The following KIF7 variants were observed in gnomAD, a reference collection of about 807,000 sequenced individuals.
The protein encoded by KIF7 is kinesin-like protein KIF7.
A neutral mutation model predicts 135.7 loss-of-function variants in KIF7; 104 were observed. The ratio of observed to expected loss-of-function variants is 0.77; its 90% confidence interval spans 0.65 to 0.90. The LOEUF (loss-of-function observed/expected upper bound fraction) is 0.90, where lower values mean the gene tolerates loss of function less well. Among genes scored for constraint, KIF7 ranks in the 40% least tolerant of loss-of-function variants. The pLI, the probability that KIF7 is intolerant of heterozygous loss-of-function variation, is 0.00. For synonymous variants in KIF7, 883 were observed against 809.4 expected, an observed-to-expected ratio of 1.09 and a Z score of -1.54; for missense variants, 2,005 against 1,839.1, an observed-to-expected ratio of 1.09 and a Z score of -1.65.
chr15:89,643,013 C>T (rs921096815), intron 10 of KIF7, among the ~76,000 whole-genome samples: 1 of 152,132 alleles, frequency 6.6e-6, no homozygotes, highest in Admixed American at 6.5e-5. Context: ...CTTTCATTTC[C>T]AGGAAATCTG....
chr15:89,640,075 A>T (rs1411314030), intron 11 of KIF7, among the ~76,000 whole-genome samples: 1 of 148,546 alleles, frequency 6.7e-6, no homozygotes, highest in Non-Finnish European at 1.5e-5. Flanking sequence ...TCTCACTCAC[A>T]GGTGGGGGTG....
Position 89,645,180 on chromosome 15 carries a change from C to T in KIF7, c.2039-15G>A. 6.2e-7 allele frequency: 1 copy of T among 1,604,976 alleles called. No individual in the cohort carries two copies. The highest frequency in any genetic ancestry group is 1.3e-5 in the African/African-American group (1 of 75,064). On this transcript the variant is annotated splice_polypyrimidine_tract_variant and intron_variant, in intron 9 of 18. Transcript: ENST00000394412. ...CCCACCAACTGCTGCAACAGGCAGC[C>T]TGTCAAGGTTGCTGCCCCAACTGAC...
chr15:89,628,683 C>A lies in KIF7; in HGVS notation c.3768G>T (p.Glu1256Asp), dbSNP rs1189649262. The A allele has an allele frequency of 9.3e-6, 15 of 1,613,016 alleles. No individual in the cohort carries two copies. The highest frequency in any genetic ancestry group is 1.2e-5 in the Non-Finnish European group (14 of 1,179,886). ...TCTCCTCCCGGGTGCGGGGGGCCCC[C>A]TCAGTGAGGGGGGACAGCCAGAGAA... The part of the protein sequence containing the change: ...PELLWLSPLT[E>D]GAPRTREETR... Residue 1256 changes from glutamate to aspartate, a missense_variant, in exon 19 of 19, where the codon GAG becomes GAT. By Grantham distance (45) the Glu-to-Asp change is conservative. Coordinates refer to ENST00000394412, the MANE Select transcript of KIF7 (RefSeq NM_198525.3).
At chr15:89,646,593 C>G (rs1964017280) in intron 7 of KIF7, among the ~76,000 whole-genome samples, 1 of 152,168 alleles carries the variant, frequency 6.6e-6, no homozygotes, top group Non-Finnish European at 1.5e-5. Flanking sequence ...CCTCCTCATT[C>G]CAAGCGATCT....
chr15:89,649,369 T>G lies in KIF7; in HGVS notation c.530-2A>C. The G allele has an allele frequency of 6.9e-7, 1 of 1,451,092 alleles. No individual in the cohort carries two copies. The highest frequency in any genetic ancestry group is 9.1e-7 in the Non-Finnish European group (1 of 1,099,342). The allele number at this position is 1,451,092 out of a possible 1,614,324, so 89.9% of individuals were successfully genotyped here. The stretch of plus-strand genomic sequence containing the variant: ...CGACCTCCTTCACCCCGCACAGCAC[T>G]GCGGGCACAGAAGGCCGTGAGCCCC... On this transcript the variant is annotated splice_acceptor_variant, in intron 3 of 18. Coordinates refer to ENST00000394412, the MANE Select transcript of KIF7 (RefSeq NM_198525.3). LOFTEE classifies it high-confidence loss of function.
chr15:89,619,045 G>T (rs1342821141), intron 1 of KIF7, among the ~76,000 whole-genome samples: 1 of 152,144 alleles, frequency 6.6e-6, no homozygotes, highest in Non-Finnish European at 1.5e-5. Flanking sequence ...CACATTTATT[G>T]TGGAAAAAAC....
At chr15:89,621,891 A>C (rs1319602807) in intron 1 of KIF7, among the ~76,000 whole-genome samples, 1 of 151,412 alleles carries the variant, frequency 6.6e-6, no homozygotes, top group Admixed American at 6.6e-5. Context: ...CCATCCAGTC[A>C]CCAACATTAG....
At chr15:89,653,482 C>T (rs1161989591) in intron 1 of KIF7, among the ~76,000 whole-genome samples, 1 of 152,212 alleles carries the variant, frequency 6.6e-6, no homozygotes, top group Non-Finnish European at 1.5e-5. Flanking sequence ...TTGCTAAAGC[C>T]CTGGTCCTGG....
At chr15:89,624,196 G>C, downstream of KIF7, 1 of 1,614,062 alleles carries the variant, frequency 6.2e-7, no homozygotes, top group African/African-American at 1.3e-5. Context: ...AAAAAGACCA[G>C]GGAATTCAAC....
intron 2 of KIF7, chr15:89,650,180 A>C: frequency 1.8e-6 from 1 of 551,466 alleles, no homozygotes; most frequent in Non-Finnish European, 3.3e-6. Flanking sequence ...AACCCCTTTC[A>C]TGCTGTAAGC....
In KIF7 at chr15:89,630,320, C is replaced by T. The variant is rs774461779; in HGVS notation, c.3285G>A (p.Glu1095=). The T allele has an allele frequency of 1.1e-5, 18 of 1,614,070 alleles. No individual in the cohort carries two copies. The East Asian group carries it at 3.8e-4, about 34-fold the overall frequency. The change falls in exon 16 of 19, where the codon GAG becomes GAA. Residue 1095 remains glutamate (E), a synonymous_variant. Coordinates refer to ENST00000394412, the MANE Select transcript of KIF7 (RefSeq NM_198525.3). ...AATACTTGCAGAGGAGGGCTCTGGT[C>T]TCTGAGGATGAGAGGTAGCTGAGCT... ...MAKLSYLSSS[E]TRALLCKYFD...
At position 89,642,376 on chromosome 15, in the gene KIF7, G is replaced by A; in HGVS notation, c.2221C>T (p.His741Tyr). The A allele has an allele frequency of 6.2e-7, 1 of 1,606,990 alleles. No individual in the cohort carries two copies. The stretch of plus-strand genomic sequence containing the variant: ...TCCAGCTCCCGGATACGCTGGCTGT[G>A]CTGGCGGTTCAGGGCCTGAGCTGCC... ...GKAAQALNRQ[H>Y]SQRIRELEQE... Residue 741 changes from histidine to tyrosine, a missense_variant, in exon 11 of 19, where the codon CAC (histidine) becomes TAC (tyrosine). Physicochemically the swap from His to Tyr is moderately conservative, Grantham distance 83 (BLOSUM62 2). Transcript: ENST00000394412.
chr15:89,627,165 C>A (rs1470016512), downstream of KIF7: 30 of 1,565,370 alleles, frequency 1.9e-5, no homozygotes, highest in Non-Finnish European at 2.2e-5. Flanking sequence ...TGCCTGGTCC[C>A]AAGCCTCTTT....
downstream of KIF7, chr15:89,625,925 G>T (rs1963515052): frequency 1.9e-6 from 3 of 1,556,648 alleles, no homozygotes; most frequent in Non-Finnish European, 2.6e-6. Context: ...TACTATGTGG[G>T]ATCTCTTTAG....
chr15:89,618,343 T>C, intron 1 of KIF7: 1 of 779,768 alleles, frequency 1.3e-6, no homozygotes, highest in Non-Finnish European at 2.2e-6. Flanking sequence ...ACAATGCAGC[T>C]CAGTAAATAT....
At chr15:89,629,638 T>C (rs765582675) in intron 16 of KIF7, 65 bp from the exon 17 acceptor site, 23 of 1,594,366 alleles carry the variant, frequency 1.4e-5, no homozygotes, top group Non-Finnish European at 2.0e-5. Flanking sequence ...TAATCCTCAA[T>C]CACAGACACA....
chr15:89,634,368 G>T (rs1032666993), intron 11 of KIF7, among the ~76,000 whole-genome samples: 2 of 152,182 alleles, frequency 1.3e-5, no homozygotes, highest in African/African-American at 2.4e-5. Context: ...AGCTCCCAGC[G>T]TGAGTGACGC....
downstream of KIF7, chr15:89,624,606 G>T (rs909858791): frequency 1.9e-6 from 3 of 1,613,968 alleles, no homozygotes; most frequent in Non-Finnish European, 2.5e-6. Context: ...TCTCTCCTCA[G>T]TCTCCTCCTG....
chr15:89,620,699 T>C (rs926579772), intron 1 of KIF7, among the ~76,000 whole-genome samples: 1 of 151,992 alleles, frequency 6.6e-6, no homozygotes, highest in Non-Finnish European at 1.5e-5. Flanking sequence ...ATGAACTGGC[T>C]GGGTTTTTCT....
Sources: gnomAD v4.1 joint callset for allele counts (sites outside exome capture counted in the v4.1 genomes callset) on GRCh38, gnomAD v4.1.1 for gene constraint, MANE v1.5 for transcripts, NCBI Gene and HGNC (gene_info 2026-07-23, HGNC 2026-07-21) for gene names.